The following ANKH variants were observed in gnomAD, a reference collection of about 807,000 sequenced individuals.
ANKH encodes the protein mineralization regulator ANKH.
ANKH carries 15 observed loss-of-function variants against 49.0 expected under a neutral mutation model. That is an observed-to-expected ratio of 0.31 (90% CI 0.20 to 0.47). ANKH has a LOEUF of 0.47. Ranked by LOEUF, ANKH falls within the 20% of genes least tolerant of loss-of-function variation. The pLI, the probability that ANKH is intolerant of heterozygous loss-of-function variation, is 1.00. For missense variants in ANKH, 429 were observed against 652.0 expected, an observed-to-expected ratio of 0.66 and a Z score of 3.72; for synonymous variants, 273 against 260.0, an observed-to-expected ratio of 1.05 and a Z score of -0.48.
At chr5:14,792,770 T>C (rs1740209070) in intron 1 of ANKH, among the ~76,000 whole-genome samples, 1 of 151,028 alleles carries the variant, frequency 6.6e-6, no homozygotes, top group African/African-American at 2.4e-5. Flanking sequence ...AGTTCAGGAG[T>C]TCGAGACCAG....
intron 7 of ANKH, among the ~76,000 whole-genome samples, chr5:14,744,497 G>T (rs536376086): frequency 6.6e-5 from 10 of 152,218 alleles, no homozygotes; most frequent in Non-Finnish European, 1.3e-4. Context: ...GGGAAGAGTG[G>T]CCTGGGGGCT....
At chr5:14,824,799 A>G (rs372225109) in intron 1 of ANKH, among the ~76,000 whole-genome samples, 9 of 152,282 alleles carry the variant, frequency 5.9e-5, no homozygotes, top group African/African-American at 9.6e-5. Context: ...GTCAGGGGGC[A>G]TATCAGTAGC....
chr5:14,832,724 T>C (rs1741539192), intron 1 of ANKH, among the ~76,000 whole-genome samples: 1 of 152,200 alleles, frequency 6.6e-6, no homozygotes. Context: ...CCTGTAGAGT[T>C]TGTTGGGCTG....
At chr5:14,826,963 T>G (rs1741360855) in intron 1 of ANKH, among the ~76,000 whole-genome samples, 1 of 152,156 alleles carries the variant, frequency 6.6e-6, no homozygotes, top group Non-Finnish European at 1.5e-5. Flanking sequence ...TGTGAGAATG[T>G]GGGAAGTCTG....
At chr5:14,840,647 C>T (rs1237038036) in intron 1 of ANKH, among the ~76,000 whole-genome samples, 1 of 152,146 alleles carries the variant, frequency 6.6e-6, no homozygotes, top group Non-Finnish European at 1.5e-5. Flanking sequence ...AAGGTGGTTT[C>T]TAGAAATGAC....
At chr5:14,798,396 G>A in intron 1 of ANKH, 2 of 1,565,502 alleles carry the variant, frequency 1.3e-6, no homozygotes, top group Non-Finnish European at 1.7e-6. Flanking sequence ...TTCCTTGTCG[G>A]CCATGGCGGG....
intron 1 of ANKH, among the ~76,000 whole-genome samples, chr5:14,809,354 A>AAAAAAAAAAAAAAAAAAAAG (rs1561065397): frequency 1.5e-5 from 2 of 130,266 alleles, no homozygotes; most frequent in African/African-American, 5.7e-5. Context: ...AAAAAAAAAA[A>AAAAAAAAAAAAAAAAAAAAG]AAAGAAAAAA....
chr5:14,751,583 C>T (rs1297078986), intron 4 of ANKH, among the ~76,000 whole-genome samples: 1 of 152,118 alleles, frequency 6.6e-6, no homozygotes, highest in Non-Finnish European at 1.5e-5. Context: ...TTTACTGGAA[C>T]ATATAACTAT....
intron 1 of ANKH, among the ~76,000 whole-genome samples, chr5:14,818,235 T>C (rs1741095582): frequency 6.6e-6 from 1 of 152,058 alleles, no homozygotes; most frequent in African/African-American, 2.4e-5. Flanking sequence ...TTGCTCATAC[T>C]CCATATTTAA....
At chr5:14,812,101 G>T (rs1240096595) in intron 1 of ANKH, among the ~76,000 whole-genome samples, 49 of 116,752 alleles carry the variant, frequency 4.2e-4, no homozygotes, top group Non-Finnish European at 5.7e-4. Context: ...GAAGGTAGTT[G>T]TTTCTGTATT....
At chr5:14,794,325 T>C (rs1429871900) in intron 1 of ANKH, among the ~76,000 whole-genome samples, 2 of 152,206 alleles carry the variant, frequency 1.3e-5, no homozygotes, top group Non-Finnish European at 2.9e-5. Context: ...TGTGAATCCA[T>C]GATGTAACTA....
At chr5:14,853,820 C>A (rs1041892348) in intron 1 of ANKH, among the ~76,000 whole-genome samples, 5 of 152,028 alleles carry the variant, frequency 3.3e-5, no homozygotes, top group African/African-American at 1.2e-4. Flanking sequence ...CAAACATAAA[C>A]CCATACAAGG....
At chr5:14,777,933 C>T (rs1225477217) in intron 1 of ANKH, among the ~76,000 whole-genome samples, 3 of 152,200 alleles carry the variant, frequency 2.0e-5, no homozygotes, top group Admixed American at 6.5e-5. Context: ...GGAGAATGTC[C>T]CTTTCCATGC....
intron 8 of ANKH, among the ~76,000 whole-genome samples, chr5:14,719,514 C>G (rs753851494): frequency 6.6e-6 from 1 of 152,108 alleles, no homozygotes; most frequent in South Asian, 2.1e-4. Flanking sequence ...AAAAAGGCTC[C>G]GAGAGATGCT....
At chr5:14,795,617 G>A (rs896974978) in intron 1 of ANKH, among the ~76,000 whole-genome samples, 2 of 152,220 alleles carry the variant, frequency 1.3e-5, no homozygotes, top group African/African-American at 4.8e-5. Flanking sequence ...GGGAGGCAAA[G>A]GCAGGTGGAT....
chr5:14,727,534 C>T lies in ANKH; in HGVS notation c.1012-10699G>A, dbSNP rs186348675. ...GACATACCTCAAACAGCAGGGGGCG[C>T]CATGCGCCAAGCCCGCAGAGGGTTG... On this transcript the variant is annotated intron_variant, in intron 8 of 11. Coordinates refer to ENST00000284268, the MANE Select transcript of ANKH (RefSeq NM_054027.6). 1.1e-3 allele frequency among the ~76,000 whole-genome samples: 160 copies of T among 151,858 alleles called. 1 individual carries two copies. The highest frequency in any genetic ancestry group is 3.8e-3 in the African/African-American group (158 of 41,372).
rs1739273210 is a variant in ANKH, at chr5:14,766,831, AAATAT to A, written c.313+2139_313+2143del. ...TGCTCATTTCAATATCAGCCCAAGC[AAATAT>A]AATCAGGAAGACTGCTTGAAATCAT... On this transcript the variant is annotated intron_variant, in intron 2 of 11. Coordinates refer to ENST00000284268, the MANE Select transcript of ANKH (RefSeq NM_054027.6). Among the ~76,000 whole-genome samples, 4 of 152,354 alleles carry A rather than the reference AAATAT, an allele frequency of 2.6e-5. No individual in the cohort carries two copies. In the South Asian group the frequency reaches 8.3e-4, roughly 32 times the overall value.
intron 1 of ANKH, chr5:14,826,012 G>A (rs1741330514): frequency 6.5e-6 from 1 of 153,986 alleles, no homozygotes; most frequent in South Asian, 2.0e-4. Context: ...CCAAGTAAGG[G>A]TCCTAACTAA....
At chr5:14,734,710 G>A (rs1738115229) in intron 8 of ANKH, among the ~76,000 whole-genome samples, 1 of 152,222 alleles carries the variant, frequency 6.6e-6, no homozygotes, top group Non-Finnish European at 1.5e-5. Context: ...TATAAACAAC[G>A]TGTCTTCCCT....
Sources: gnomAD v4.1 joint callset for allele counts (sites outside exome capture counted in the v4.1 genomes callset) on GRCh38, gnomAD v4.1.1 for gene constraint, MANE v1.5 for transcripts, NCBI Gene and HGNC (gene_info 2026-07-23, HGNC 2026-07-21) for gene names.